CTNND2: variants seen among roughly 807,000 people sequenced by gnomAD.
CTNND2 encodes catenin delta 2.
CTNND2 carries 22 observed loss-of-function variants against 144.4 expected under a neutral mutation model. The observed-to-expected ratio is 0.15, with a 90% confidence interval of 0.11 to 0.22. CTNND2 has a LOEUF of 0.22. Among genes scored for constraint, CTNND2 ranks in the 10% least tolerant of loss-of-function variants. The pLI is 1.00. For missense variants in CTNND2, 1,353 were observed against 1,618.8 expected, an observed-to-expected ratio of 0.84 and a Z score of 2.82; for synonymous variants, 751 against 695.6, an observed-to-expected ratio of 1.08 and a Z score of -1.25.
chr5:11,230,217 T>TGGGGAGG (rs1740847974), intron 10 of CTNND2, among the ~76,000 whole-genome samples: 1 of 44,498 alleles, frequency 2.2e-5, no homozygotes, highest in Non-Finnish European at 4.1e-5. Context: ...GGGACTGTGG[T>TGGGGAGG]GGGGAGGGGG....
rs541882845 is a variant in CTNND2, at chr5:11,871,377, G to A, written c.37+32440C>T. 2.6e-5 allele frequency among the ~76,000 whole-genome samples: 4 copies of A among 152,264 alleles called. No homozygotes were observed. The East Asian group carries it at 7.7e-4, about 29-fold the overall frequency. On this transcript the variant is annotated intron_variant, in intron 1 of 21. Transcript: ENST00000304623. ...ATAGTTTCCTCATCTGTAAAACAAGGATAAAAACAGTCCCTGTCTAACAGG... is the reference window on the plus strand; with the variant it reads ...ATAGTTTCCTCATCTGTAAAACAAGAATAAAAACAGTCCCTGTCTAACAGG...
At chr5:11,076,201 G>T (rs1338847297) in intron 16 of CTNND2, among the ~76,000 whole-genome samples, 1 of 152,176 alleles carries the variant, frequency 6.6e-6, no homozygotes, top group Non-Finnish European at 1.5e-5. Context: ...AATAGGTGCT[G>T]CCCACTTCAG....
At chr5:11,518,322 A>G (rs1034089388) in intron 3 of CTNND2, among the ~76,000 whole-genome samples, 10 of 152,194 alleles carry the variant, frequency 6.6e-5, no homozygotes, top group African/African-American at 2.2e-4. Flanking sequence ...ATATTTTTGT[A>G]CAGCTGTACA....
chr5:11,526,904 G>A (rs1041171428), intron 3 of CTNND2, among the ~76,000 whole-genome samples: 4 of 46,940 alleles, frequency 8.5e-5, no homozygotes, highest in African/African-American at 1.3e-4. Context: ...ATTATTTAAA[G>A]TGAAAAAGAA....
chr5:11,137,996 G>GC (rs755118561), intron 12 of CTNND2, among the ~76,000 whole-genome samples: 4 of 152,214 alleles, frequency 2.6e-5, no homozygotes, highest in Non-Finnish European at 5.9e-5. Context: ...CAGCAGGGCT[G>GC]CATTACTTTT....
chr5:11,229,304 A>C (rs1228987309), intron 10 of CTNND2, among the ~76,000 whole-genome samples: 4 of 152,206 alleles, frequency 2.6e-5, no homozygotes. Context: ...AACATTTATA[A>C]TTTTTGTTAG....
At chr5:11,879,818 C>G (rs951070591) in intron 1 of CTNND2, among the ~76,000 whole-genome samples, 1 of 152,144 alleles carries the variant, frequency 6.6e-6, no homozygotes, top group Non-Finnish European at 1.5e-5. Flanking sequence ...GGCTGTTCTC[C>G]AGTATTTCAT....
intron 14 of CTNND2, among the ~76,000 whole-genome samples, chr5:11,105,205 G>A (rs756864147): frequency 5.9e-5 from 9 of 152,232 alleles, no homozygotes; most frequent in Admixed American, 2.0e-4. Context: ...GGACATGGCC[G>A]TCCCTGTTAC....
intron 12 of CTNND2, among the ~76,000 whole-genome samples, chr5:11,143,227 C>T (rs1202344567): frequency 1.3e-5 from 2 of 152,136 alleles, no homozygotes; most frequent in Non-Finnish European, 2.9e-5. Flanking sequence ...CTTTATTTTC[C>T]TAGAAACTCT....
At chr5:11,020,532 A>G (rs1014707996) in intron 17 of CTNND2, among the ~76,000 whole-genome samples, 4 of 152,194 alleles carry the variant, frequency 2.6e-5, no homozygotes, top group Non-Finnish European at 4.4e-5. Context: ...TTTGTCTAGA[A>G]GTCCATGGGA....
chr5:11,707,692 T>C (rs1040406163), intron 2 of CTNND2, among the ~76,000 whole-genome samples: 1 of 151,798 alleles, frequency 6.6e-6, no homozygotes, highest in Non-Finnish European at 1.5e-5. Flanking sequence ...TAAGTAAAAA[T>C]TGTAATTTTT....
At chr5:11,729,448 T>C (rs938981842) in intron 2 of CTNND2, among the ~76,000 whole-genome samples, 3 of 152,180 alleles carry the variant, frequency 2.0e-5, no homozygotes, top group African/African-American at 7.2e-5. Flanking sequence ...GTTCTGAGTT[T>C]TTAAAAACAG....
At chr5:11,539,863 G>A (rs758280611) in intron 3 of CTNND2, among the ~76,000 whole-genome samples, 33 of 152,174 alleles carry the variant, frequency 2.2e-4, no homozygotes, top group Non-Finnish European at 3.8e-4. Context: ...GCAAAACCCC[G>A]TCTCTGCTAA....
chr5:11,902,434 A>G (rs1737987327), intron 1 of CTNND2, among the ~76,000 whole-genome samples: 1 of 152,216 alleles, frequency 6.6e-6, no homozygotes, highest in Non-Finnish European at 1.5e-5. Context: ...GAAGTGGTGC[A>G]GCCCCGAAGC....
intron 3 of CTNND2, among the ~76,000 whole-genome samples, chr5:11,556,451 A>G (rs552532077): frequency 2.0e-4 from 31 of 152,252 alleles, no homozygotes; most frequent in African/African-American, 7.5e-4. Context: ...GAAAATTCAC[A>G]TTTATCATGC....
intron 1 of CTNND2, among the ~76,000 whole-genome samples, chr5:11,830,711 G>A (rs1016052948): frequency 8.5e-5 from 13 of 152,150 alleles, no homozygotes; most frequent in African/African-American, 3.1e-4. Flanking sequence ...AGAGGCGAGA[G>A]GAAGCAGACC....
chr5:11,332,455 C>T (rs911469137), intron 9 of CTNND2, among the ~76,000 whole-genome samples: 3 of 151,970 alleles, frequency 2.0e-5, no homozygotes, highest in Non-Finnish European at 4.4e-5. Flanking sequence ...CTGTAGTTGT[C>T]TCCTTCCTTC....
intron 3 of CTNND2, among the ~76,000 whole-genome samples, chr5:11,505,174 C>A (rs548959578): frequency 2.7e-5 from 4 of 149,650 alleles, no homozygotes; most frequent in Non-Finnish European, 5.9e-5. Context: ...AGAAAAAATA[C>A]GACAAATGAT....
At chr5:11,484,536 T>C (rs1768615982) in intron 3 of CTNND2, among the ~76,000 whole-genome samples, 1 of 152,216 alleles carries the variant, frequency 6.6e-6, no homozygotes, top group Non-Finnish European at 1.5e-5. Flanking sequence ...TTTATATTTA[T>C]GCACTAAGAA....
Sources: allele counts gnomAD v4.1 joint callset (sites outside exome capture counted in the v4.1 genomes callset), GRCh38; gene constraint gnomAD v4.1.1; transcripts MANE v1.5; gene names NCBI Gene and HGNC (gene_info 2026-07-23, HGNC 2026-07-21).